The following DCDC1 variants were observed in gnomAD, a reference collection of about 807,000 sequenced individuals.
DCDC1 encodes the protein doublecortin domain containing 1.
DCDC1 carries 200 observed loss-of-function variants against 178.3 expected under a neutral mutation model. The observed-to-expected ratio is 1.12, with a 90% CI of 1.00 to 1.26. DCDC1 has a LOEUF of 1.26. Among genes scored for constraint, DCDC1 ranks in the 50% most tolerant of loss-of-function variants. DCDC1 has a pLI of 0.00. For synonymous variants in DCDC1, 690 were observed against 604.8 expected (o/e 1.14, Z -2.07); for missense variants, 1,983 against 1,749.2 (o/e 1.13, Z -2.38).
At chr11:31,064,180 T>C (rs1476519513) in intron 20 of DCDC1, among the ~76,000 whole-genome samples, 1 of 152,134 alleles carries the variant, frequency 6.6e-6, no homozygotes, top group African/African-American at 2.4e-5. Context: ...TGGTCTGTAG[T>C]ACCTTAGCTT....
At position 31,263,942 on chromosome 11, in the gene DCDC1, A is replaced by C. The variant is rs76478826; in HGVS notation, c.1054+1565T>G. ...AATGTGGAATTTCTTTTCAGAGGCTAGCAAAACAAAACAGTATCTCTAGAG... is the reference window on the plus strand; with the variant it reads ...AATGTGGAATTTCTTTTCAGAGGCTCGCAAAACAAAACAGTATCTCTAGAG... On this transcript the variant is annotated intron_variant, in intron 8 of 38. Coordinates refer to ENST00000684477, the MANE Select transcript of DCDC1 (RefSeq NM_001387274.1). Among the ~76,000 whole-genome samples the C allele has an allele frequency of 5.4e-3, 828 of 152,330 alleles. 6 individuals carry two copies. The highest frequency in any genetic ancestry group is 0.019 in the African/African-American group (787 of 41,572).
At chr11:31,303,556 A>G (rs1392910934) in intron 6 of DCDC1, among the ~76,000 whole-genome samples, 1 of 152,144 alleles carries the variant, frequency 6.6e-6, no homozygotes, top group Non-Finnish European at 1.5e-5. Flanking sequence ...GTGGTTTGAA[A>G]AAGTGTATGT....
chr11:31,271,328 T>C (rs1055496631), intron 7 of DCDC1, among the ~76,000 whole-genome samples: 11 of 152,228 alleles, frequency 7.2e-5, no homozygotes, highest in Non-Finnish European at 1.3e-4. Flanking sequence ...GTTTGTATTA[T>C]CCATCATTTC....
chr11:31,314,094 C>A (rs1478451176), intron 3 of DCDC1, among the ~76,000 whole-genome samples: 1 of 152,162 alleles, frequency 6.6e-6, no homozygotes, highest in Non-Finnish European at 1.5e-5. Flanking sequence ...TGCATCCACA[C>A]CTGCCCTGGA....
chr11:31,363,985 A>C (rs2133404782), intron 1 of DCDC1, among the ~76,000 whole-genome samples: 1 of 152,218 alleles, frequency 6.6e-6, no homozygotes, highest in South Asian at 2.1e-4. Flanking sequence ...TAGTTAGTAA[A>C]ATAATTTCTC....
At chr11:30,926,800 G>C (rs1237069556) in intron 22 of DCDC1, among the ~76,000 whole-genome samples, 1 of 152,062 alleles carries the variant, frequency 6.6e-6, no homozygotes, top group Non-Finnish European at 1.5e-5. Flanking sequence ...GGTTAGCTTA[G>C]AAGTAAATAA....
chr11:31,154,590 T>A (rs1965532338), intron 9 of DCDC1, among the ~76,000 whole-genome samples: 1 of 152,182 alleles, frequency 6.6e-6, no homozygotes, highest in Admixed American at 6.5e-5. Flanking sequence ...AGAATAGATA[T>A]TTAACAAATA....
chr11:31,305,730 T>C lies in DCDC1; in HGVS notation c.639A>G (p.Arg213=), dbSNP rs113095500. 2 of 1,613,828 alleles carry C rather than the reference T, an allele frequency of 1.2e-6. No individual in the cohort carries two copies. The highest frequency in any genetic ancestry group is 1.7e-6 in the Non-Finnish European group (2 of 1,179,862). The stretch of plus-strand genomic sequence containing the variant: ...CCTTGCCGTCTGCCAAGAACACTCG[T>C]CTTGCGGCCATGTTCAGATTCAGCT... ...TEKLNLNMAA[R]RVFLADGKEA... is the part of the protein sequence containing the mutation. Residue 213 remains arginine (R), a synonymous_variant, in exon 6 of 39, where the codon AGA becomes AGG. Coordinates refer to ENST00000684477, the MANE Select transcript of DCDC1 (RefSeq NM_001387274.1).
At chr11:31,118,796 A>G (rs1960359594) in intron 11 of DCDC1, among the ~76,000 whole-genome samples, 1 of 152,214 alleles carries the variant, frequency 6.6e-6, no homozygotes, top group African/African-American at 2.4e-5. Context: ...ACCTTCTAGG[A>G]TGTCAGGCCT....
chr11:31,281,876 T>C (rs972136676), intron 7 of DCDC1, among the ~76,000 whole-genome samples: 12 of 152,182 alleles, frequency 7.9e-5, no homozygotes, highest in African/African-American at 2.4e-4. Flanking sequence ...CCTCTTTCTT[T>C]TGTAAATTGC....
intron 7 of DCDC1, among the ~76,000 whole-genome samples, chr11:31,272,832 C>A (rs112780201): frequency 1.1e-3 from 166 of 152,302 alleles, no homozygotes; most frequent in Admixed American, 1.8e-3. Context: ...TGCAAGTTGT[C>A]AGTGGATCTA....
intron 2 of DCDC1, among the ~76,000 whole-genome samples, chr11:31,330,579 G>T (rs1426794004): frequency 1.3e-5 from 2 of 152,150 alleles, no homozygotes; most frequent in African/African-American, 2.4e-5. Flanking sequence ...TTTGTATAAG[G>T]TGTAAGGAAG....
intron 22 of DCDC1, among the ~76,000 whole-genome samples, chr11:30,928,243 A>T (rs1590395976): frequency 6.6e-6 from 1 of 151,998 alleles, no homozygotes; most frequent in Middle Eastern, 3.4e-3. Context: ...GCTCCTCTTC[A>T]CCTTCTGCCA....
chr11:31,366,594 G>A (rs1476247061), intron 1 of DCDC1, among the ~76,000 whole-genome samples: 3 of 152,166 alleles, frequency 2.0e-5, no homozygotes, highest in Non-Finnish European at 2.9e-5. Context: ...AAGAATTAGG[G>A]TGTTATAAGT....
In DCDC1 at chr11:30,900,491, T is replaced by C. The variant is rs757778970; in HGVS notation, c.4518A>G (p.Pro1506=). Residue 1506 remains proline, a synonymous_variant, in exon 33 of 39, where the codon CCA becomes CCG. Transcript: ENST00000684477. ...ATAATCTGTTTTTCACTTTCATTCT[T>C]GGATTTTCTGGTGGAAAAAATGACA... ...QIIVESMEEN[P]RMKVKNRLFA... is the part of the protein sequence containing the mutation. The C allele has an allele frequency of 5.2e-6, 8 of 1,532,106 alleles. No homozygotes were observed. The Admixed American group carries it at 1.2e-4, about 23-fold the overall frequency. 94.9% of individuals were successfully genotyped at this position (1,532,106 alleles called of 1,614,324 possible). A position where few individuals can be genotyped will look rare whatever the true frequency, so the allele number is the denominator to read the frequency against.
intron 28 of DCDC1, among the ~76,000 whole-genome samples, chr11:30,910,186 A>C (rs1945344147): frequency 6.6e-6 from 1 of 152,202 alleles, no homozygotes; most frequent in Non-Finnish European, 1.5e-5. Flanking sequence ...CAACACCAGC[A>C]ACAAAAAATT....
chr11:31,110,314 A>G lies in DCDC1; in HGVS notation c.1533T>C (p.Ser511=), dbSNP rs1342516575. ...KNTGEISVGI[S]KKDLGSDSPI... is the part of the protein sequence containing the mutation. ...GGCTATCCGATCCCAAATCTTTTTT[A>G]CTGATACCAACAGAGATCTCTCCAG... Residue 511 remains serine, a synonymous_variant, in exon 12 of 39, where the codon AGT becomes AGC. Coordinates refer to ENST00000684477, the MANE Select transcript of DCDC1 (RefSeq NM_001387274.1). 4 of 710,752 alleles carry G rather than the reference A, an allele frequency of 5.6e-6. No individual in the cohort carries two copies. The East Asian group carries it at 1.0e-4, about 18-fold the overall frequency. The allele number at this position is 710,752 out of a possible 1,614,324, so 44.0% of individuals were successfully genotyped here.
At chr11:30,996,700 G>A (rs972885493) in intron 20 of DCDC1, among the ~76,000 whole-genome samples, 2 of 152,142 alleles carry the variant, frequency 1.3e-5, no homozygotes, top group Admixed American at 6.5e-5. Context: ...AAACATGCTG[G>A]TGCCTTGATC....
At chr11:31,142,125 G>T (rs1049902063) in intron 9 of DCDC1, among the ~76,000 whole-genome samples, 3 of 152,158 alleles carry the variant, frequency 2.0e-5, no homozygotes, top group African/African-American at 7.2e-5. Flanking sequence ...TGGGAGAGTG[G>T]GGGAAGCCAC....
Sources: gnomAD v4.1 joint callset for allele counts (sites outside exome capture counted in the v4.1 genomes callset) on GRCh38, gnomAD v4.1.1 for gene constraint, MANE v1.5 for transcripts, NCBI Gene and HGNC (gene_info 2026-07-23, HGNC 2026-07-21) for gene names.